FANCC: variants seen among roughly 807,000 people sequenced by gnomAD.
FANCC encodes the protein FA complementation group C, also known as Fanconi anemia group C protein.
In FANCC, 55 loss-of-function variants were observed where a neutral mutation model predicts 71.3. The observed-to-expected ratio is 0.77, with a 90% confidence interval of 0.62 to 0.97. The LOEUF (loss-of-function observed/expected upper bound fraction) is 0.97, where lower values mean the gene tolerates loss of function less well. Ranked by LOEUF, FANCC falls within the 50% of genes least tolerant of loss-of-function variation. The probability of loss-of-function intolerance (pLI) is 0.00; values close to 1 mark genes in which losing one functional copy is unlikely to be tolerated. For missense variants in FANCC, 678 were observed against 670.9 expected, an observed-to-expected ratio of 1.01 and a Z score of -0.12; for synonymous variants, 275 against 244.9, an observed-to-expected ratio of 1.12 and a Z score of -1.15.
At chr9:95,160,751 G>GT (rs1564708747) in intron 6 of FANCC, among the ~76,000 whole-genome samples, 1 of 152,114 alleles carries the variant, frequency 6.6e-6, no homozygotes, top group African/African-American at 2.4e-5. Context: ...CACATCCTTT[G>GT]TAAGTTGTAT....
At chr9:95,113,717 G>A (rs570181902) in intron 12 of FANCC, 3 of 152,010 alleles carry the variant, frequency 2.0e-5, no homozygotes, top group Admixed American at 1.3e-4. Flanking sequence ...CCACCTCCTG[G>A]GTTCATGCCA....
chr9:95,290,371 T>G (rs895724862), intron 1 of FANCC, among the ~76,000 whole-genome samples: 3 of 152,242 alleles, frequency 2.0e-5, no homozygotes, highest in Non-Finnish European at 4.4e-5. Context: ...GATATCTTTC[T>G]GTCAGCAATA....
intron 3 of FANCC, among the ~76,000 whole-genome samples, chr9:95,246,449 T>C (rs1830984403): frequency 6.6e-6 from 1 of 152,256 alleles, no homozygotes; most frequent in African/African-American, 2.4e-5. Context: ...TCATTTTATT[T>C]TGGGTTCTAA....
At chr9:95,187,164 A>G (rs1235620896) in intron 4 of FANCC, among the ~76,000 whole-genome samples, 2 of 152,180 alleles carry the variant, frequency 1.3e-5, no homozygotes, top group Admixed American at 1.3e-4. Flanking sequence ...AGTTCACAGA[A>G]GTGAGTGAGG....
intron 14 of FANCC, among the ~76,000 whole-genome samples, chr9:95,104,633 T>C (rs764618244): frequency 9.9e-5 from 15 of 152,154 alleles, no homozygotes; most frequent in Non-Finnish European, 1.5e-4. Context: ...TCCGAGTAGA[T>C]GGAAACATGG....
intron 4 of FANCC, among the ~76,000 whole-genome samples, chr9:95,200,658 G>A (rs1827752304): frequency 1.3e-5 from 2 of 152,154 alleles, no homozygotes; most frequent in African/African-American, 2.4e-5. Context: ...GGTATCATGA[G>A]GTTGTTGTGA....
At chr9:95,155,275 GGGAGGGGA>G (rs1830398708) in intron 6 of FANCC, among the ~76,000 whole-genome samples, 4 of 74,574 alleles carry the variant, frequency 5.4e-5, no homozygotes, top group Admixed American at 1.3e-4. Context: ...GGGAGGAAAG[GGGAGGGGA>G]AGGAAGGGGA....
chr9:95,288,935 A>G lies in FANCC; in HGVS notation c.-79+28591T>C, dbSNP rs1043806635. Among the ~76,000 whole-genome samples the G allele has an allele frequency of 9.2e-5, 14 of 152,096 alleles. No homozygotes were observed. In the East Asian group the frequency reaches 2.7e-3, roughly 30 times the overall value. On this transcript the variant is annotated intron_variant, in intron 1 of 14. Coordinates refer to ENST00000289081, the MANE Select transcript of FANCC (RefSeq NM_000136.3). ...ACAGTGAGACCCCATCTTCACAAAA[A>G]AACAGACAAACAAAAATTAGCCAGG...
At chr9:95,153,615 T>C (rs1176608630) in intron 6 of FANCC, among the ~76,000 whole-genome samples, 1 of 152,232 alleles carries the variant, frequency 6.6e-6, no homozygotes, top group African/African-American at 2.4e-5. Context: ...TGGCCATTTG[T>C]ACATCTTCTT....
intron 1 of FANCC, among the ~76,000 whole-genome samples, chr9:95,291,967 A>AAAAATATAT (rs1441757988): frequency 4.2e-4 from 21 of 50,416 alleles, no homozygotes; most frequent in South Asian, 1.7e-3. Flanking sequence ...AAAAAAAAAA[A>AAAAATATAT]ATATATATAT....
intron 1 of FANCC, among the ~76,000 whole-genome samples, chr9:95,290,878 T>C (rs569795543): frequency 1.3e-5 from 2 of 152,218 alleles, no homozygotes; most frequent in East Asian, 3.9e-4. Flanking sequence ...AGATCACATA[T>C]CATGATCAAA....
At position 95,101,761 on chromosome 9, in the gene FANCC, A is replaced by G; in HGVS notation, c.1623T>C (p.Pro541=). Residue 541 remains proline (P), a synonymous_variant, in exon 15 of 15, where the codon CCT becomes CCC. Transcript: ENST00000289081. The part of the protein sequence containing the change: ...YRWNRLGIES[P]RSEKLARELL... ...GCTCTCGGGCCAGTTTTTCTGATCT[A>G]GGGCTTTCAATGCCAAGACGATTCC... is the stretch of plus-strand genomic sequence containing the variant. 1 of 1,614,146 alleles carries G rather than the reference A, an allele frequency of 6.2e-7. No individual in the cohort carries two copies. Among genetic ancestry groups the G allele is most frequent in the Middle Eastern group, 1.6e-4 (1 of 6,062 alleles).
chr9:95,205,618 A>G (rs1828074748), intron 4 of FANCC, among the ~76,000 whole-genome samples: 1 of 152,034 alleles, frequency 6.6e-6, no homozygotes, highest in African/African-American at 2.4e-5. Context: ...ATACATTTCC[A>G]TTTGTACACA....
At chr9:95,115,420 A>G (rs575427051) in intron 11 of FANCC, among the ~76,000 whole-genome samples, 161 of 152,308 alleles carry the variant, frequency 1.1e-3, no homozygotes, top group African/African-American at 3.8e-3. Flanking sequence ...AGCAGCCAAT[A>G]AGGAATTAGG....
At chr9:95,197,680 C>T (rs1308779098) in intron 4 of FANCC, among the ~76,000 whole-genome samples, 2 of 152,158 alleles carry the variant, frequency 1.3e-5, no homozygotes, top group African/African-American at 4.8e-5. Context: ...CTGCAGGAAT[C>T]GTGGCTTGTT....
intron 1 of FANCC, among the ~76,000 whole-genome samples, chr9:95,276,895 G>C (rs1480949742): frequency 6.6e-6 from 1 of 152,108 alleles, no homozygotes; most frequent in African/African-American, 2.4e-5. Flanking sequence ...AGATAACTTT[G>C]CTCGCTTTTA....
intron 6 of FANCC, among the ~76,000 whole-genome samples, chr9:95,158,931 T>G (rs1427162984): frequency 6.6e-6 from 1 of 152,204 alleles, no homozygotes; most frequent in East Asian, 1.9e-4. Flanking sequence ...GATGAAAATG[T>G]AACCTAAGAG....
intron 1 of FANCC, among the ~76,000 whole-genome samples, chr9:95,251,529 G>A (rs548460166): frequency 2.4e-4 from 37 of 151,878 alleles, no homozygotes; most frequent in African/African-American, 6.5e-4. Context: ...TTGGCTAGGC[G>A]GGTCTCGACC....
chr9:95,279,345 A>G (rs1221451681), intron 1 of FANCC, among the ~76,000 whole-genome samples: 1 of 151,642 alleles, frequency 6.6e-6, no homozygotes, highest in Non-Finnish European at 1.5e-5. Flanking sequence ...AAAAAATCAA[A>G]AATAGAAAAA....
Sources: gnomAD v4.1 joint callset for allele counts (sites outside exome capture counted in the v4.1 genomes callset) on GRCh38, gnomAD v4.1.1 for gene constraint, MANE v1.5 for transcripts, NCBI Gene and HGNC (gene_info 2026-07-23, HGNC 2026-07-21) for gene names.